Variants in TCF4 observed in about 807,000 individuals in gnomAD.
TCF4 encodes SL3-3 enhancer factor 2.
TCF4 carries 3 observed loss-of-function variants against 82.1 expected under a neutral mutation model. That is an observed-to-expected ratio of 0.04 (90% CI 0.02 to 0.09). The LOEUF (loss-of-function observed/expected upper bound fraction) is 0.09. Among genes scored for constraint, TCF4 ranks in the 10% least tolerant of loss-of-function variants. The pLI is 1.00. For synonymous variants in TCF4, 276 were observed against 309.6 expected, an observed-to-expected ratio of 0.89 and a Z score of 1.14; for missense variants, 518 against 852.7, an observed-to-expected ratio of 0.61 and a Z score of 4.89.
intron 9 of TCF4, among the ~76,000 whole-genome samples, chr18:55,278,537 A>T (rs112282151): frequency 6.6e-6 from 1 of 150,852 alleles, no homozygotes; most frequent in African/African-American, 2.4e-5. Flanking sequence ...TGGTCTTTTT[A>T]AAAAATTCAT....
intron 6 of TCF4, among the ~76,000 whole-genome samples, chr18:55,381,293 A>G (rs1377936143): frequency 6.6e-6 from 1 of 152,222 alleles, no homozygotes; most frequent in African/African-American, 2.4e-5. Flanking sequence ...TTCTAAGAAA[A>G]AGCTAAATCC....
intron 3 of TCF4, among the ~76,000 whole-genome samples, chr18:55,489,951 T>G (rs1454023184): frequency 6.6e-6 from 1 of 152,206 alleles, no homozygotes; most frequent in African/African-American, 2.4e-5. Context: ...TGAGCATTAT[T>G]TGAGCACACA....
At chr18:55,542,471 T>C (rs1013213643) in intron 3 of TCF4, among the ~76,000 whole-genome samples, 1 of 151,982 alleles carries the variant, frequency 6.6e-6, no homozygotes, top group African/African-American at 2.4e-5. Context: ...CTGTAAAAGA[T>C]ACAAATGAGT....
chr18:55,232,890 G>A (rs1213168259), intron 16 of TCF4, among the ~76,000 whole-genome samples: 1 of 152,168 alleles, frequency 6.6e-6, no homozygotes, highest in East Asian at 1.9e-4. Context: ...CAATCTTTTG[G>A]AGTAGATGGT....
rs1261127 is a variant in TCF4, at chr18:55,292,733, C to T, written c.550-13077G>A. Among the ~76,000 whole-genome samples, 680 of 150,892 alleles carry T rather than the reference C, an allele frequency of 4.5e-3. 6 individuals are homozygous for T. The highest frequency in any genetic ancestry group is 0.015 in the African/African-American group (601 of 40,980). The stretch of plus-strand genomic sequence containing the variant: ...GTGTGTATACACGTATATACATGTG[C>T]GTAGATACATATATGTATACATATA... On this transcript the variant is annotated intron_variant, in intron 8 of 19. Transcript: ENST00000354452.
At chr18:55,457,053 G>A (rs1052499614) in intron 5 of TCF4, among the ~76,000 whole-genome samples, 11 of 152,182 alleles carry the variant, frequency 7.2e-5, no homozygotes, top group African/African-American at 1.9e-4. Flanking sequence ...TGAAAGCAAC[G>A]AGTGAGTTCT....
intron 8 of TCF4, among the ~76,000 whole-genome samples, chr18:55,282,210 A>G (rs2062763233): frequency 6.6e-6 from 1 of 152,002 alleles, no homozygotes; most frequent in African/African-American, 2.4e-5. Flanking sequence ...ATATAACTAT[A>G]CTTTTTTAAA....
intron 8 of TCF4, among the ~76,000 whole-genome samples, chr18:55,307,937 G>A (rs2070922903): frequency 6.6e-6 from 1 of 152,222 alleles, no homozygotes; most frequent in Non-Finnish European, 1.5e-5. Context: ...CTCATTCCCA[G>A]TGCTTAATAA....
upstream of TCF4, among the ~76,000 whole-genome samples, chr18:55,590,462 C>A (rs2097683125): frequency 2.0e-5 from 3 of 152,226 alleles, no homozygotes; most frequent in African/African-American, 7.2e-5. Context: ...TAGTTTGTGC[C>A]ATAAGCCACG....
chr18:55,456,090 A>G (rs2095747153), intron 5 of TCF4, among the ~76,000 whole-genome samples: 1 of 152,264 alleles, frequency 6.6e-6, no homozygotes, highest in East Asian at 1.9e-4. Flanking sequence ...ACTCTGAAGT[A>G]ATACAAACCT....
chr18:55,419,822 G>A (rs1439230601), intron 5 of TCF4, among the ~76,000 whole-genome samples: 1 of 152,190 alleles, frequency 6.6e-6, no homozygotes, highest in Non-Finnish European at 1.5e-5. Context: ...AATATGAGAA[G>A]CGACTGAACG....
At chr18:55,540,300 G>A (rs923082278) in intron 3 of TCF4, among the ~76,000 whole-genome samples, 2 of 151,840 alleles carry the variant, frequency 1.3e-5, no homozygotes, top group Non-Finnish European at 2.9e-5. Flanking sequence ...AAAACAAAGG[G>A]AATATCTCAA....
intron 3 of TCF4, among the ~76,000 whole-genome samples, chr18:55,466,777 A>G (rs2096033059): frequency 6.6e-6 from 1 of 152,240 alleles, no homozygotes; most frequent in Non-Finnish European, 1.5e-5. Context: ...TAGCAGGCAG[A>G]TAAAACACAT....
At chr18:55,229,122 A>G in intron 17 of TCF4, 46 bp from the exon 18 acceptor site, 1 of 1,599,902 alleles carries the variant, frequency 6.3e-7, no homozygotes, top group Non-Finnish European at 8.6e-7. Flanking sequence ...TGTGGGGAAA[A>G]AGAAGGTGTC....
At position 55,322,259 on chromosome 18, in the gene TCF4, C is replaced by A. The variant is rs923064671; in HGVS notation, c.549+28100G>T. ...ACTCCCCCTCTCTCTCTCTCCCTCT[C>A]TTTCTTTTTTGTTTTAATTTGATTA... On this transcript the variant is annotated intron_variant, in intron 8 of 19. Transcript: ENST00000354452. 31 of 1,056,530 alleles carry A rather than the reference C, an allele frequency of 2.9e-5. No homozygotes were observed. The African/African-American group carries it at 4.3e-4, about 15-fold the overall frequency. The allele number at this position is 1,056,530 out of a possible 1,614,324, so 65.4% of individuals were successfully genotyped here.
Position 55,259,983 on chromosome 18 carries a change from A to G in TCF4, c.1035T>C (p.Pro345=), listed in dbSNP as rs772169789. The change falls in exon 13 of 20, where the codon CCT becomes CCC. Residue 345 remains proline, a synonymous_variant. Coordinates refer to ENST00000354452, the MANE Select transcript of TCF4 (RefSeq NM_001083962.2). ...DHTNNSFSSN[P]STPVGSPPSL... ...ATGGAGGAGAGCCAACAGGAGTTGA[A>G]GGGTTTGATGAAAAGCTGTTGTTAG... 1 of 1,613,500 alleles carries G rather than the reference A, an allele frequency of 6.2e-7. No homozygotes were observed.
At chr18:55,510,685 G>A in intron 3 of TCF4, 1 of 1,466,050 alleles carries the variant, frequency 6.8e-7, no homozygotes, top group South Asian at 1.3e-5. Context: ...TTTGTGAACT[G>A]AGACCTCCAC....
chr18:55,575,009 G>C (rs186706475), intron 3 of TCF4, among the ~76,000 whole-genome samples: 11 of 152,180 alleles, frequency 7.2e-5, no homozygotes, highest in Admixed American at 2.6e-4. Context: ...AACAATTATG[G>C]ACTATCTCTC....
At chr18:55,377,658 C>A (rs975997744) in intron 6 of TCF4, among the ~76,000 whole-genome samples, 2 of 152,236 alleles carry the variant, frequency 1.3e-5, no homozygotes, top group African/African-American at 4.8e-5. Flanking sequence ...TAAACCCCAT[C>A]ATGTTACCAC....
Sources: gnomAD v4.1 joint callset for allele counts (sites outside exome capture counted in the v4.1 genomes callset) on GRCh38, gnomAD v4.1.1 for gene constraint, MANE v1.5 for transcripts, NCBI Gene and HGNC (gene_info 2026-07-23, HGNC 2026-07-21) for gene names.